The following CMSS1 variants were observed in gnomAD, a reference collection of about 807,000 sequenced individuals.
CMSS1 encodes cms1 ribosomal small subunit homolog, also known as protein CMSS1.
Under a neutral mutation model 43.5 loss-of-function variants are expected in CMSS1, and 33 were observed. That is an observed-to-expected ratio of 0.76 (90% CI 0.57 to 1.01). The LOEUF (loss-of-function observed/expected upper bound fraction) is 1.01, where lower values mean the gene tolerates loss of function less well. Among genes scored for constraint, CMSS1 ranks in the 50% least tolerant of loss-of-function variants. The probability of loss-of-function intolerance (pLI) is 0.00; values close to 1 mark genes in which losing one functional copy is unlikely to be tolerated. For missense variants in CMSS1, 313 were observed against 326.4 expected (o/e 0.96, Z 0.32); for synonymous variants, 115 against 117.2 (o/e 0.98, Z 0.12).
At position 100,145,286 on chromosome 3, in the gene CMSS1, C is replaced by CA. The variant is rs2066839256; in HGVS notation, c.65-1682dup. Among the ~76,000 whole-genome samples, 3 of 152,046 alleles carry CA rather than the reference C, an allele frequency of 2.0e-5. No individual in the cohort carries two copies. In the South Asian group the frequency reaches 6.2e-4, roughly 32 times the overall value. ...CGAATCCCTGCCTCTACTAAAAACACAAAAATTAGCCAGGCGCCAGGCATG... is the reference window on the plus strand; with the variant it reads ...CGAATCCCTGCCTCTACTAAAAACACAAAAAATTAGCCAGGCGCCAGGCATG... On this transcript the variant is annotated intron_variant, in intron 1 of 9. Transcript: ENST00000421999.
At chr3:100,158,205 T>C (rs910667707) in intron 2 of CMSS1, among the ~76,000 whole-genome samples, 8 of 152,246 alleles carry the variant, frequency 5.3e-5, no homozygotes, top group Admixed American at 4.6e-4. Context: ...AGGAGAATCA[T>C]TCTTAAAGTA....
At chr3:99,941,179 A>G (rs1009251404) in intron 1 of CMSS1, among the ~76,000 whole-genome samples, 1 of 151,898 alleles carries the variant, frequency 6.6e-6, no homozygotes, top group East Asian at 1.9e-4. Flanking sequence ...CATTCTTCCT[A>G]TTCCTTACGT....
chr3:100,110,564 ATT>A (rs1273143331), intron 1 of CMSS1, among the ~76,000 whole-genome samples: 1 of 152,200 alleles, frequency 6.6e-6, no homozygotes, highest in Non-Finnish European at 1.5e-5. Flanking sequence ...TGTACAGGAA[ATT>A]CCAGGAAGAA....
intron 1 of CMSS1, among the ~76,000 whole-genome samples, chr3:99,823,260 C>G (rs2107475794): frequency 6.6e-6 from 1 of 152,332 alleles, no homozygotes; most frequent in South Asian, 2.1e-4. Flanking sequence ...CTGCCAGTAA[C>G]TCAAACCTGA....
intron 1 of CMSS1, among the ~76,000 whole-genome samples, chr3:100,123,954 T>G (rs62285480): frequency 0.096 from 14,547 of 152,232 alleles, 843 homozygotes; most frequent in African/African-American, 0.15. Context: ...TCTAGTGGTC[T>G]GGGTAGAGAG....
chr3:100,172,850 T>G (rs1466411300), intron 8 of CMSS1, among the ~76,000 whole-genome samples: 1 of 152,214 alleles, frequency 6.6e-6, no homozygotes, highest in African/African-American at 2.4e-5. Flanking sequence ...TGTTTCTCTT[T>G]TAGTGCTTTA....
At chr3:100,037,982 A>G (rs1469424364) in intron 1 of CMSS1, among the ~76,000 whole-genome samples, 33 of 147,314 alleles carry the variant, frequency 2.2e-4, no homozygotes, top group Non-Finnish European at 4.6e-4. Flanking sequence ...AGAGTCTCAA[A>G]TCTCGCTCTG....
chr3:100,028,221 A>C (rs1576653182), intron 1 of CMSS1, among the ~76,000 whole-genome samples: 1 of 152,332 alleles, frequency 6.6e-6, no homozygotes, highest in East Asian at 1.9e-4. Context: ...CCAGTTTTGC[A>C]GATGAGGAAA....
At chr3:100,072,578 A>G (rs2065780910) in intron 1 of CMSS1, among the ~76,000 whole-genome samples, 1 of 152,166 alleles carries the variant, frequency 6.6e-6, no homozygotes, top group South Asian at 2.1e-4. Context: ...CAGCATTTTA[A>G]CTGTCAACCG....
At chr3:100,114,706 G>A (rs553194969) in intron 1 of CMSS1, among the ~76,000 whole-genome samples, 1 of 152,256 alleles carries the variant, frequency 6.6e-6, no homozygotes, top group South Asian at 2.1e-4. Context: ...CAGATATATT[G>A]TGAACCACAG....
At chr3:100,029,448 G>A (rs183928737) in intron 1 of CMSS1, among the ~76,000 whole-genome samples, 190 of 152,142 alleles carry the variant, frequency 1.2e-3, no homozygotes, top group Non-Finnish European at 2.1e-3. Flanking sequence ...TTTTACTGTT[G>A]CATTTGCAAC....
At chr3:99,922,774 A>G (rs1490003985) in intron 1 of CMSS1, among the ~76,000 whole-genome samples, 1 of 152,204 alleles carries the variant, frequency 6.6e-6, no homozygotes, top group African/African-American at 2.4e-5. Context: ...AATCTACCCT[A>G]CATATGGTTA....
chr3:99,973,735 CT>C (rs904396880), intron 1 of CMSS1, among the ~76,000 whole-genome samples: 24 of 152,204 alleles, frequency 1.6e-4, no homozygotes, highest in South Asian at 2.1e-4. Flanking sequence ...TTTAAGCTCA[CT>C]TTTTTCCCCC....
At chr3:99,870,425 T>G (rs1944730922) in intron 1 of CMSS1, among the ~76,000 whole-genome samples, 2 of 152,230 alleles carry the variant, frequency 1.3e-5, no homozygotes, top group South Asian at 4.1e-4. Context: ...AGTTTTTATG[T>G]GTAGCTGATC....
chr3:99,955,219 T>C (rs1708287285), intron 1 of CMSS1, among the ~76,000 whole-genome samples: 1 of 152,196 alleles, frequency 6.6e-6, no homozygotes, highest in African/African-American at 2.4e-5. Flanking sequence ...AAGTCTTCTC[T>C]GTAGTAATAA....
At chr3:100,133,966 T>C (rs1220907058) in intron 1 of CMSS1, among the ~76,000 whole-genome samples, 2 of 152,222 alleles carry the variant, frequency 1.3e-5, no homozygotes, top group Non-Finnish European at 2.9e-5. Flanking sequence ...TATGTATTAA[T>C]AGTATAATAG....
chr3:100,097,849 A>C (rs1025843685), intron 1 of CMSS1, among the ~76,000 whole-genome samples: 1 of 152,176 alleles, frequency 6.6e-6, no homozygotes, highest in African/African-American at 2.4e-5. Context: ...GCTACCTTCT[A>C]AGTTGCAATG....
chr3:99,970,513 A>G (rs1405616199), intron 1 of CMSS1, among the ~76,000 whole-genome samples: 2 of 152,188 alleles, frequency 1.3e-5, no homozygotes, highest in South Asian at 2.1e-4. Flanking sequence ...AACTACTTCT[A>G]CCTAATTGCA....
intron 1 of CMSS1, among the ~76,000 whole-genome samples, chr3:99,888,521 C>T (rs1403587525): frequency 6.6e-6 from 1 of 152,184 alleles, no homozygotes; most frequent in Non-Finnish European, 1.5e-5. Flanking sequence ...AAAAGCACCC[C>T]TGAATATTAA....
Sources: allele counts gnomAD v4.1 joint callset (sites outside exome capture counted in the v4.1 genomes callset), GRCh38; gene constraint gnomAD v4.1.1; transcripts MANE v1.5; gene names NCBI Gene and HGNC (gene_info 2026-07-23, HGNC 2026-07-21).